The following TMCC2 variants were observed in gnomAD, a reference collection of about 807,000 sequenced individuals.
The protein encoded by TMCC2 is transmembrane and coiled-coil domain family 2, also known as transmembrane and coiled-coil domains protein 2.
TMCC2 carries 16 observed loss-of-function variants against 49.4 expected under a neutral mutation model. That is an observed-to-expected ratio of 0.32 (90% confidence interval 0.22 to 0.49). The LOEUF (loss-of-function observed/expected upper bound fraction) is 0.49. TMCC2 is among the 20% of genes least tolerant of loss of function. The pLI is 0.99. For synonymous variants in TMCC2, 397 were observed against 434.1 expected (o/e 0.91, Z 1.06); for missense variants, 762 against 989.8 (o/e 0.77, Z 3.09).
intron 1 of TMCC2, among the ~76,000 whole-genome samples, chr1:205,239,228 C>T (rs1457543403): frequency 2.0e-5 from 3 of 152,212 alleles, no homozygotes; most frequent in Non-Finnish European, 4.4e-5. Flanking sequence ...TGGAATGTGA[C>T]GATTTGGCAG....
At chr1:205,271,047 G>GA in intron 3 of TMCC2, 73 bp from the exon 4 acceptor site, 1 of 1,576,214 alleles carries the variant, frequency 6.3e-7, no homozygotes, top group South Asian at 1.2e-5. Flanking sequence ...TTGAGAGAAT[G>GA]AATGAATCAA....
At position 205,264,240 on chromosome 1, in the gene TMCC2, C is replaced by T. The variant is rs576851066; in HGVS notation, c.748-4710C>T. Among the ~76,000 whole-genome samples the T allele has an allele frequency of 3.9e-5, 6 of 152,336 alleles. No individual in the cohort carries two copies. In the South Asian group the frequency reaches 8.3e-4, roughly 21 times the overall value. On this transcript the variant is annotated intron_variant, in intron 2 of 4. Transcript: ENST00000358024. This position sits in a 1 kb window ranked among gnomAD's most constrained non-coding sequence, Gnocchi z 4.2. ...TGCACACATCCTCCCTTTAAATCAT[C>T]TCTAGATTACGTACAATACCTAGTA...
chr1:205,233,497 C>G (rs1372133086), intron 1 of TMCC2, among the ~76,000 whole-genome samples: 1 of 152,172 alleles, frequency 6.6e-6, no homozygotes, highest in African/African-American at 2.4e-5. Context: ...GTGGTTCTCC[C>G]TGCTGGCTCT....
At chr1:205,254,035 T>C (rs929278145) in intron 2 of TMCC2, among the ~76,000 whole-genome samples, 13 of 152,222 alleles carry the variant, frequency 8.5e-5, no homozygotes, top group African/African-American at 3.1e-4. Flanking sequence ...CTGATGCCAC[T>C]GGTCTCACTC....
At chr1:205,232,664 G>A (rs1255245653) in intron 1 of TMCC2, among the ~76,000 whole-genome samples, 1 of 152,114 alleles carries the variant, frequency 6.6e-6, no homozygotes, top group African/African-American at 2.4e-5. Context: ...GGAGCGGTGG[G>A]TGGCTCATGC....
At chr1:205,235,765 C>T (rs1279651510) in intron 1 of TMCC2, among the ~76,000 whole-genome samples, 1 of 152,158 alleles carries the variant, frequency 6.6e-6, no homozygotes, top group Non-Finnish European at 1.5e-5. Context: ...TGTTTTGTGA[C>T]TGTGCTAGAA....
chr1:205,246,747 G>T, intron 2 of TMCC2: 1 of 1,512,140 alleles, frequency 6.6e-7, no homozygotes, highest in South Asian at 1.2e-5. Flanking sequence ...TCAAGCAGGA[G>T]TCTCTGGTAT....
intron 1 of TMCC2, among the ~76,000 whole-genome samples, chr1:205,234,564 A>G (rs1200138159): frequency 1.3e-5 from 2 of 152,210 alleles, no homozygotes; most frequent in African/African-American, 4.8e-5. Context: ...CCATCATGGA[A>G]ATACATAGAA....
intron 1 of TMCC2, among the ~76,000 whole-genome samples, chr1:205,231,967 CTG>C (rs1162844927): frequency 6.6e-6 from 1 of 152,108 alleles, no homozygotes; most frequent in African/African-American, 2.4e-5. Flanking sequence ...ATAAAGGACT[CTG>C]TGTAAAGCAC....
Position 205,241,988 on chromosome 1 carries a change from G to A in TMCC2, c.691G>A (p.Ala231Thr). The A allele has an allele frequency of 1.2e-6, 2 of 1,609,540 alleles. No individual in the cohort carries two copies. Among genetic ancestry groups the A allele is most frequent in the South Asian group, 2.2e-5 (2 of 90,702 alleles). Residue 231 changes from alanine (A) to threonine (T), a missense_variant, in exon 2 of 5, where the codon GCC becomes ACC. By Grantham distance (58) the Ala-to-Thr change is moderately conservative. Coordinates refer to ENST00000358024, the MANE Select transcript of TMCC2 (RefSeq NM_014858.4). This position sits in a 1 kb window ranked among gnomAD's most constrained non-coding sequence, Gnocchi z 7.3. ...SSTTDTALLLADGSNVYLLAE... is the reference protein window; with the variant it reads ...SSTTDTALLLTDGSNVYLLAE... ...CACCACCGACACTGCTCTGCTGCTG[G>A]CCGACGGCAGCAACGTGTACCTCCT...
In TMCC2 at chr1:205,244,148, C is replaced by T. The variant is rs575286783; in HGVS notation, c.747+2104C>T. 9.7e-4 allele frequency among the ~76,000 whole-genome samples: 147 copies of T among 152,200 alleles called. 2 individuals carry two copies. The highest frequency in any genetic ancestry group is 3.3e-3 in the African/African-American group (139 of 41,510). On this transcript the variant is annotated intron_variant, in intron 2 of 4. Transcript: ENST00000358024. ...ATTAAGGAGAGGGTGGAAGTGAAGG[C>T]AGGTGTGTAGCTTGGCTGGGAAGAA...
At chr1:205,265,362 G>A (rs1661279958) in intron 2 of TMCC2, among the ~76,000 whole-genome samples, 1 of 152,236 alleles carries the variant, frequency 6.6e-6, no homozygotes, top group Non-Finnish European at 1.5e-5. Flanking sequence ...AAGCTGCTAG[G>A]AAGGAGCCAC....
chr1:205,270,090 A>G, intron 3 of TMCC2, among the ~76,000 whole-genome samples: 1 of 152,116 alleles, frequency 6.6e-6, no homozygotes, highest in East Asian at 1.9e-4. Flanking sequence ...TCTGTCGCCC[A>G]GGCTGGAGTG....
chr1:205,236,152 G>C (rs1047287662), intron 1 of TMCC2, among the ~76,000 whole-genome samples: 1 of 151,522 alleles, frequency 6.6e-6, no homozygotes, highest in African/African-American at 2.4e-5. Context: ...ACTGAGTGAT[G>C]TCCACCAGGG....
intron 2 of TMCC2, chr1:205,246,752 T>G: frequency 2.0e-6 from 3 of 1,502,380 alleles, no homozygotes; most frequent in Non-Finnish European, 2.7e-6. Flanking sequence ...CAGGAGTCTC[T>G]GGTATGCAGC....
chr1:205,235,654 G>T lies in TMCC2; in HGVS notation c.208-5851G>T, dbSNP rs572407384. Among the ~76,000 whole-genome samples, 5 of 152,224 alleles carry T rather than the reference G, an allele frequency of 3.3e-5. No individual in the cohort carries two copies. In the East Asian group the frequency reaches 5.8e-4, roughly 18 times the overall value. Reference sequence around the variant, plus strand: ...AGACTACTAGCATGCTACATTTTTGGAATGAGGCCATAGCTGGACAGGGTC... The same window carrying T: ...AGACTACTAGCATGCTACATTTTTGTAATGAGGCCATAGCTGGACAGGGTC... On this transcript the variant is annotated intron_variant, in intron 1 of 4. Coordinates refer to ENST00000358024, the MANE Select transcript of TMCC2 (RefSeq NM_014858.4).
chr1:205,271,005 T>C, intron 3 of TMCC2, 115 bp from the exon 4 acceptor site: 1 of 1,427,116 alleles, frequency 7.0e-7, no homozygotes, highest in South Asian at 1.3e-5. Flanking sequence ...AGAGCAGAGC[T>C]GGACACGGGG....
intron 1 of TMCC2, among the ~76,000 whole-genome samples, chr1:205,237,105 GGT>G: frequency 6.6e-6 from 1 of 151,980 alleles, no homozygotes; most frequent in East Asian, 1.9e-4. Flanking sequence ...TTCATCACTG[GGT>G]TTCCAGTAGA....
At chr1:205,256,099 C>T (rs906120338) in intron 2 of TMCC2, 3 of 904,204 alleles carry the variant, frequency 3.3e-6, no homozygotes. Context: ...AGAGATAGCA[C>T]TGGGCCCTTA....
Sources: allele counts gnomAD v4.1 joint callset (sites outside exome capture counted in the v4.1 genomes callset), GRCh38; gene constraint gnomAD v4.1.1; non-coding constraint Gnocchi (gnomAD v3.1); transcripts MANE v1.5; gene names NCBI Gene and HGNC (gene_info 2026-07-23, HGNC 2026-07-21).